The following PAH variants were observed in gnomAD, a reference collection of about 807,000 sequenced individuals.
PAH encodes the protein phenylalanine hydroxylase.
A neutral mutation model predicts 62.0 loss-of-function variants in PAH; 64 were observed. The ratio of observed to expected loss-of-function variants is 1.03; its 90% CI spans 0.84 to 1.27. The LOEUF is 1.27. PAH is among the 50% of genes most tolerant of loss of function. The pLI, the probability that PAH is intolerant of heterozygous loss-of-function variation, is 0.00. For missense variants in PAH, 579 were observed against 542.8 expected, an observed-to-expected ratio of 1.07 and a Z score of -0.66; for synonymous variants, 195 against 196.2, an observed-to-expected ratio of 0.99 and a Z score of 0.05.
At chr12:102,890,808 C>G (rs1264181535) in intron 3 of PAH, among the ~76,000 whole-genome samples, 1 of 152,102 alleles carries the variant, frequency 6.6e-6, no homozygotes, top group African/African-American at 2.4e-5. Context: ...TTAGGCCGGG[C>G]ACTGTGGCTC....
chr12:102,893,884 G>C (rs1271565160), intron 3 of PAH, among the ~76,000 whole-genome samples: 1 of 152,218 alleles, frequency 6.6e-6, no homozygotes, highest in Non-Finnish European at 1.5e-5. Context: ...GTACCAAGCA[G>C]TGTGCTAAAC....
At chr12:102,944,504 ATTCT>A (rs1424754011) in intron 1 of PAH, among the ~76,000 whole-genome samples, 2 of 152,108 alleles carry the variant, frequency 1.3e-5, no homozygotes, top group African/African-American at 4.8e-5. Context: ...AAGCTCACTA[ATTCT>A]TTCTTCTGCT....
intron 1 of PAH, among the ~76,000 whole-genome samples, chr12:102,929,069 G>T (rs754257166): frequency 2.0e-5 from 3 of 151,962 alleles, no homozygotes; most frequent in Admixed American, 2.0e-4. Context: ...CTTTTGCTCG[G>T]CACTTTTCCT....
chr12:102,851,299 C>T (rs1410840844), intron 8 of PAH, among the ~76,000 whole-genome samples: 1 of 152,008 alleles, frequency 6.6e-6, no homozygotes, highest in African/African-American at 2.4e-5. Context: ...CAAGCATATA[C>T]ACAAATAACT....
At chr12:102,879,032 G>T (rs191573320) in intron 3 of PAH, among the ~76,000 whole-genome samples, 32 of 152,222 alleles carry the variant, frequency 2.1e-4, no homozygotes, top group Admixed American at 1.7e-3. Context: ...AGGTCGAGGG[G>T]AAGATGCTGA....
intron 1 of PAH, among the ~76,000 whole-genome samples, chr12:102,956,441 C>A (rs1879914825): frequency 6.6e-6 from 1 of 152,158 alleles, no homozygotes; most frequent in East Asian, 1.9e-4. Flanking sequence ...GCAAGCGCCT[C>A]CCCCTCCCTC....
chr12:102,929,528 C>A (rs1878786120), intron 1 of PAH, among the ~76,000 whole-genome samples: 1 of 152,108 alleles, frequency 6.6e-6, no homozygotes, highest in Admixed American at 6.6e-5. Flanking sequence ...CCATGTCAAC[C>A]ATGGCAAGGA....
At chr12:102,956,531 A>G (rs1001597724) in intron 1 of PAH, among the ~76,000 whole-genome samples, 1 of 151,758 alleles carries the variant, frequency 6.6e-6, no homozygotes, top group African/African-American at 2.4e-5. Context: ...CTGGGGCGGG[A>G]TGGTGGCTGC....
chr12:102,867,291 G>A (rs1329566934), intron 4 of PAH, among the ~76,000 whole-genome samples: 7 of 152,280 alleles, frequency 4.6e-5, no homozygotes, highest in African/African-American at 1.4e-4. Context: ...ATCAGTAATT[G>A]TCAGCCTTTA....
chr12:102,839,522 T>C (rs1874496408), intron 12 of PAH, among the ~76,000 whole-genome samples: 1 of 152,238 alleles, frequency 6.6e-6, no homozygotes, highest in South Asian at 2.1e-4. Context: ...CATCTGCATA[T>C]GCTACAAGAA....
chr12:102,945,628 C>T (rs1368829372), intron 1 of PAH, among the ~76,000 whole-genome samples: 2 of 152,086 alleles, frequency 1.3e-5, no homozygotes, highest in African/African-American at 4.8e-5. Context: ...GATCTTCACT[C>T]AAGGGCTAGG....
At position 102,922,488 on chromosome 12, in the gene PAH, G is replaced by A. The variant is rs551559028; in HGVS notation, c.-95-5263C>T. The stretch of plus-strand genomic sequence containing the variant: ...ATTACAGGCGTGAGTCACCACGCCC[G>A]GCCCTAAACCTTGCCTTTTTAAACT... On this transcript the variant is annotated intron_variant, in intron 1 of 3. Coordinates refer to the PAH transcript ENST00000546844. Among the ~76,000 whole-genome samples, 136 of 152,224 alleles carry A rather than the reference G, an allele frequency of 8.9e-4. 1 individual carries two copies. The highest frequency in any genetic ancestry group is 3.0e-3 in the African/African-American group (126 of 41,540).
chr12:102,845,909 G>A (rs1343927906), intron 9 of PAH, among the ~76,000 whole-genome samples: 1 of 152,112 alleles, frequency 6.6e-6, no homozygotes, highest in Non-Finnish European at 1.5e-5. Flanking sequence ...TTTTAATATT[G>A]TTATGGCAGA....
At chr12:102,958,364 CG>C in exon 1 of PAH, 1 of 1,437,992 alleles carries the variant, frequency 7.0e-7, no homozygotes, top group African/African-American at 1.5e-5. Context: ...CCGCGGCGGC[CG>C]CAGCCGCCGC....
upstream of PAH, among the ~76,000 whole-genome samples, chr12:102,954,846 T>G (rs1360166731): frequency 6.6e-6 from 1 of 152,016 alleles, no homozygotes; most frequent in African/African-American, 2.4e-5. Context: ...TAAAGAAAAA[T>G]TATAGACTGT....
intron 3 of PAH, among the ~76,000 whole-genome samples, chr12:102,880,690 T>C (rs1876777189): frequency 6.6e-6 from 1 of 152,078 alleles, no homozygotes; most frequent in African/African-American, 2.4e-5. Flanking sequence ...CACAAAGCAT[T>C]GTGGGGTGCA....
At chr12:102,958,190 C>G (rs1190075957) in intron 1 of PAH, 1 of 1,376,434 alleles carries the variant, frequency 7.3e-7, no homozygotes, top group Non-Finnish European at 9.4e-7. Flanking sequence ...TCGCGGGCCC[C>G]GCACCTCGCG....
Position 102,844,350 on chromosome 12 carries a change from A to G in PAH, c.1051T>C (p.Phe351Leu). The change falls in exon 10 of 13, where the codon TTT becomes CTT. Residue 351 changes from phenylalanine to leucine, a missense_variant. Phe to Leu is a conservative substitution (Grantham distance 22). Coordinates refer to ENST00000553106, the MANE Select transcript of PAH (RefSeq NM_000277.3). The part of the protein sequence containing the change: ...KAYGAGLLSS[F>L]GELQYCLSEK... ...GAAGGTCATACCTGTAATTCACCAA[A>G]GGATGACAGGAGCCCAGCACCATAT... The G allele has an allele frequency of 1.2e-6, 2 of 1,611,940 alleles. No homozygotes were observed. Among genetic ancestry groups the G allele is most frequent in the South Asian group, 1.1e-5 (1 of 91,044 alleles).
chr12:102,898,634 T>G (rs568813057), intron 2 of PAH, among the ~76,000 whole-genome samples: 1 of 152,320 alleles, frequency 6.6e-6, no homozygotes, highest in South Asian at 2.1e-4. Context: ...TAGAATTCTT[T>G]TCTGTGACCA....
Sources: allele counts gnomAD v4.1 joint callset (sites outside exome capture counted in the v4.1 genomes callset), GRCh38; gene constraint gnomAD v4.1.1; transcripts MANE v1.5; gene names NCBI Gene and HGNC (gene_info 2026-07-23, HGNC 2026-07-21).